CPNE3: variants seen among roughly 807,000 people sequenced by gnomAD.
CPNE3 encodes copine 3.
CPNE3 carries 68 observed loss-of-function variants against 63.9 expected under a neutral mutation model. The ratio of observed to expected loss-of-function variants is 1.06; its 90% confidence interval spans 0.87 to 1.30. The LOEUF is 1.30. CPNE3 is among the 50% of genes most tolerant of loss of function. CPNE3 has a pLI of 0.00. For missense variants in CPNE3, 665 were observed against 578.1 expected (o/e 1.15, Z -1.54); for synonymous variants, 219 against 197.5 (o/e 1.11, Z -0.91).
In CPNE3 at chr8:86,531,207, C is replaced by T; in HGVS notation, c.365C>T (p.Pro122Leu). ...CCACTGGTGATGAAAACTGGCAGAC[C>T]TGCAGGAAAAGGGAGCATTACGGTA... is the stretch of plus-strand genomic sequence containing the variant. ...TRPLVMKTGR[P>L]AGKGSITISA... The change falls in exon 5 of 17, where the codon CCT becomes CTT. Residue 122 changes from proline (P) to leucine (L), a missense_variant. Physicochemically the swap from Pro to Leu is moderately conservative, Grantham distance 98. Transcript: ENST00000517490. The T allele has an allele frequency of 2.3e-6, 3 of 1,293,008 alleles. No individual in the cohort carries two copies. The highest frequency in any genetic ancestry group is 3.4e-6 in the Non-Finnish European group (3 of 886,534). The allele number at this position is 1,293,008 out of a possible 1,614,324, so 80.1% of individuals were successfully genotyped here.
At chr8:86,556,716 T>A (rs1045446645) in intron 16 of CPNE3, among the ~76,000 whole-genome samples, 12 of 152,294 alleles carry the variant, frequency 7.9e-5, no homozygotes, top group African/African-American at 2.9e-4. Flanking sequence ...ATTGCAGAGC[T>A]ATAGTACAGA....
At chr8:86,541,719 A>AG in intron 8 of CPNE3, among the ~76,000 whole-genome samples, 1 of 151,396 alleles carries the variant, frequency 6.6e-6, no homozygotes, top group South Asian at 2.1e-4. Flanking sequence ...AAAAAAAAAA[A>AG]AAAAACTGCT....
chr8:86,548,515 C>T, intron 12 of CPNE3, 81 bp downstream of exon 12: 1 of 1,550,410 alleles, frequency 6.4e-7, no homozygotes. Flanking sequence ...GGCTAGCACT[C>T]TGATATAGGT....
chr8:86,529,374 A>G (rs1009960576), intron 4 of CPNE3, among the ~76,000 whole-genome samples: 1 of 152,162 alleles, frequency 6.6e-6, no homozygotes, highest in Non-Finnish European at 1.5e-5. Flanking sequence ...GAGGCATTTT[A>G]TTAAGTAATA....
intron 4 of CPNE3, among the ~76,000 whole-genome samples, chr8:86,529,919 C>A (rs1411088553): frequency 6.6e-6 from 1 of 151,346 alleles, no homozygotes; most frequent in Non-Finnish European, 1.5e-5. Flanking sequence ...ATCTCAAAAG[C>A]AATATGAAAC....
At chr8:86,514,967 A>G (rs977557335) in intron 1 of CPNE3, among the ~76,000 whole-genome samples, 1 of 152,144 alleles carries the variant, frequency 6.6e-6, no homozygotes, top group African/African-American at 2.4e-5. Context: ...ACGCGGGGAG[A>G]GGGATAGGGT....
chr8:86,547,406 C>G (rs538153064), intron 10 of CPNE3: 1 of 226,718 alleles, frequency 4.4e-6, no homozygotes, highest in South Asian at 9.1e-5. Context: ...ATGTTGACTG[C>G]TATGCTTTTT....
At chr8:86,555,295 G>C (rs1042173865) in intron 15 of CPNE3, among the ~76,000 whole-genome samples, 3 of 151,728 alleles carry the variant, frequency 2.0e-5, no homozygotes, top group Non-Finnish European at 1.5e-5. Context: ...TTAAGCTTAA[G>C]GAAAGTTACC....
Position 86,556,330 on chromosome 8 carries a change from T to C in CPNE3, c.1483T>C (p.Phe495Leu). ...DIVQFVPFRQ[F>L]QNAPKEALAQ... is the part of the protein sequence containing the mutation. ...TGTCCAGTTTGTGCCTTTCAGACAG[T>C]TCCAGAATGTGAGTACCACTCCTCC... Residue 495 changes from phenylalanine (F) to leucine (L), a missense_variant, in exon 16 of 17, where the codon TTC becomes CTC. Physicochemically the swap from Phe to Leu is conservative, Grantham distance 22 (BLOSUM62 0). Coordinates refer to ENST00000517490, the MANE Select transcript of CPNE3 (RefSeq NM_003909.5). 1 of 872,998 alleles carries C rather than the reference T, an allele frequency of 1.1e-6. No individual in the cohort carries two copies. 54.1% of individuals were successfully genotyped at this position (872,998 alleles called of 1,614,324 possible).
intron 3 of CPNE3, 77 bp from the exon 4 acceptor site, chr8:86,528,868 T>C: frequency 7.3e-7 from 1 of 1,376,100 alleles, no homozygotes; most frequent in African/African-American, 1.4e-5. Context: ...TATGTTTATG[T>C]TTAGTATATA....
Position 86,559,107 on chromosome 8 carries a change from T to C in CPNE3, c.*697T>C, listed in dbSNP as rs988204295. 5 of 152,260 alleles carry C rather than the reference T, an allele frequency of 3.3e-5. No individual in the cohort carries two copies. The East Asian group carries it at 9.6e-4, about 29-fold the overall frequency. The allele number at this position is 152,260 out of a possible 1,614,324, so 9.4% of individuals were successfully genotyped here. On this transcript the variant is annotated 3_prime_UTR_variant, in exon 17 of 17. Coordinates refer to ENST00000517490, the MANE Select transcript of CPNE3 (RefSeq NM_003909.5). ...CCATTTTTATTTGCCTTTCTAGATA[T>C]TTTATTTTATTGTGGAAAACTGTAA...
chr8:86,547,838 G>A (rs1821088575), intron 11 of CPNE3, 68 bp downstream of exon 11: 6 of 784,348 alleles, frequency 7.6e-6, no homozygotes, highest in African/African-American at 1.7e-5. Flanking sequence ...TTCTTTCACT[G>A]CAAAACTGAC....
intron 14 of CPNE3, among the ~76,000 whole-genome samples, chr8:86,553,745 TTAAG>T (rs1821244997): frequency 1.4e-5 from 2 of 141,454 alleles, no homozygotes; most frequent in African/African-American, 2.7e-5. Context: ...TTGATTTACA[TTAAG>T]TTTTTTTTTT....
chr8:86,516,594 T>G (rs1021443687), intron 2 of CPNE3, among the ~76,000 whole-genome samples: 22 of 152,310 alleles, frequency 1.4e-4, no homozygotes, highest in Non-Finnish European at 2.4e-4. Flanking sequence ...CTTACTATGT[T>G]GCCCAGGCTG....
rs1820594162 is a variant in CPNE3 at position 86,528,609 on chromosome 8, G to T, written c.64G>T (p.Asp22Tyr). 6.2e-7 allele frequency: 1 copy of T among 1,614,136 alleles called. No individual in the cohort carries two copies. ...TTCCTGTGCCAATCTTTTGGATAAA[G>T]ATATAGGGTCAAAGTCAGACCCTTT... ...NVSCANLLDK[D>Y]IGSKSDPLCV... Residue 22 changes from aspartate (D) to tyrosine (Y), a missense_variant, in exon 3 of 17, where the codon GAT becomes TAT. Coordinates refer to ENST00000517490, the MANE Select transcript of CPNE3 (RefSeq NM_003909.5).
intron 6 of CPNE3, 146 bp downstream of exon 6, chr8:86,532,726 G>A: frequency 1.6e-6 from 1 of 637,546 alleles, no homozygotes. Flanking sequence ...GTGTGTGTGT[G>A]TTGTATGTTT....
At chr8:86,538,892 A>G (rs906289070) in intron 7 of CPNE3, among the ~76,000 whole-genome samples, 4 of 152,160 alleles carry the variant, frequency 2.6e-5, no homozygotes, top group African/African-American at 7.2e-5. Context: ...TTTTTAATTA[A>G]TAAGTGCTAT....
rs369540210 is a variant in CPNE3 at position 86,539,660 on chromosome 8, G to GTTTTT, written c.544-569_544-565dup. 8.7e-4 allele frequency among the ~76,000 whole-genome samples: 94 copies of GTTTTT among 108,152 alleles called. 10 individuals are homozygous for GTTTTT. The highest frequency in any genetic ancestry group is 9.8e-4 in the African/African-American group (26 of 26,616). 71.0% of individuals were successfully genotyped at this position (108,152 alleles called of 152,430 possible). A position where few individuals can be genotyped will look rare whatever the true frequency, so the allele number is the denominator to read the frequency against. ...CTATTAAAATCAATAATCCTCCGCA[G>GTTTTT]TTTTTTTTTTTTTTTTTTTTGAGAC... is the stretch of plus-strand genomic sequence containing the variant. On this transcript the variant is annotated intron_variant, in intron 7 of 16. Coordinates refer to ENST00000517490, the MANE Select transcript of CPNE3 (RefSeq NM_003909.5).
intron 6 of CPNE3, among the ~76,000 whole-genome samples, chr8:86,533,024 TTATCTATC>T (rs56759618): frequency 0.013 from 1,855 of 145,602 alleles, 17 homozygotes; most frequent in Non-Finnish European, 0.014. Context: ...TTTATCTATC[TTATCTATC>T]TATCTATCTA....
Sources: allele counts gnomAD v4.1 joint callset (sites outside exome capture counted in the v4.1 genomes callset), GRCh38; gene constraint gnomAD v4.1.1; transcripts MANE v1.5; gene names NCBI Gene and HGNC (gene_info 2026-07-23, HGNC 2026-07-21).